SLC9A9: variants seen among roughly 807,000 people sequenced by gnomAD.
SLC9A9 encodes solute carrier family 9 member A9.
Under a neutral mutation model 77.8 loss-of-function variants are expected in SLC9A9, and 62 were observed. The observed-to-expected ratio is 0.80, with a 90% CI of 0.65 to 0.98. The LOEUF (loss-of-function observed/expected upper bound fraction) is 0.98. Ranked by LOEUF, SLC9A9 falls within the 50% of genes least tolerant of loss-of-function variation. The pLI is 0.00. For missense variants in SLC9A9, 775 were observed against 774.9 expected, an observed-to-expected ratio of 1.00 and a Z score of 0.00; for synonymous variants, 320 against 283.5, an observed-to-expected ratio of 1.13 and a Z score of -1.29.
At chr3:143,526,534 G>A (rs2036408582) in intron 9 of SLC9A9, among the ~76,000 whole-genome samples, 1 of 152,024 alleles carries the variant, frequency 6.6e-6, no homozygotes, top group Admixed American at 6.6e-5. Flanking sequence ...GAGAAGAAAG[G>A]CCCCCTCCTG....
chr3:143,726,504 A>G (rs1420858445), intron 4 of SLC9A9, among the ~76,000 whole-genome samples: 1 of 152,214 alleles, frequency 6.6e-6, no homozygotes, highest in Admixed American at 6.5e-5. Flanking sequence ...AGTAGGGAAT[A>G]CCACCACAGA....
At chr3:143,457,981 C>G (rs1403379908) in intron 12 of SLC9A9, among the ~76,000 whole-genome samples, 1 of 151,980 alleles carries the variant, frequency 6.6e-6, no homozygotes, top group African/African-American at 2.4e-5. Flanking sequence ...TCTTCTGTAC[C>G]CTTGCAGATT....
chr3:143,345,682 C>G (rs887210690), intron 14 of SLC9A9, among the ~76,000 whole-genome samples: 3 of 152,146 alleles, frequency 2.0e-5, no homozygotes, highest in African/African-American at 7.2e-5. Flanking sequence ...ATAAGGGAAC[C>G]AGTCTCTGCA....
At chr3:143,796,535 T>C (rs1188303817) in intron 3 of SLC9A9, among the ~76,000 whole-genome samples, 2 of 152,158 alleles carry the variant, frequency 1.3e-5, no homozygotes, top group African/African-American at 4.8e-5. Flanking sequence ...TTTGAATAAA[T>C]ACAAAATCTT....
chr3:143,692,972 G>T (rs998410085), intron 5 of SLC9A9, among the ~76,000 whole-genome samples: 12 of 152,120 alleles, frequency 7.9e-5, no homozygotes, highest in African/African-American at 2.7e-4. Context: ...TGACTTTAAA[G>T]ATCTCTCCCA....
chr3:143,303,903 GTTTTCTCCA>G (rs1486362061), intron 14 of SLC9A9, among the ~76,000 whole-genome samples: 1 of 152,170 alleles, frequency 6.6e-6, no homozygotes, highest in Admixed American at 6.5e-5. Context: ...TAAAACATCT[GTTTTCTCCA>G]TTTCTTAACA....
chr3:143,387,088 A>G (rs1318170561), intron 12 of SLC9A9, among the ~76,000 whole-genome samples: 1 of 152,138 alleles, frequency 6.6e-6, no homozygotes, highest in Non-Finnish European at 1.5e-5. Context: ...TGATCCATCC[A>G]CCTAGGCTTC....
At chr3:143,654,757 TC>T (rs1202609029) in intron 5 of SLC9A9, among the ~76,000 whole-genome samples, 4 of 152,152 alleles carry the variant, frequency 2.6e-5, no homozygotes, top group African/African-American at 9.7e-5. Context: ...CATCTCCACT[TC>T]CATGGAGGTT....
chr3:143,364,225 GA>G lies in SLC9A9; in HGVS notation c.1525-663del, dbSNP rs397967506. On this transcript the variant is annotated intron_variant, in intron 13 of 15. Transcript: ENST00000316549. ...TTTGTGAGAGAAGAGGATGAAATGTGAAAAAAAAAAAGGAAAGAAAGTGAAT... is the reference window on the plus strand; with the variant it reads ...TTTGTGAGAGAAGAGGATGAAATGTGAAAAAAAAAAGGAAAGAAAGTGAAT... Among the ~76,000 whole-genome samples, 1,172 of 141,250 alleles carry G rather than the reference GA, an allele frequency of 8.3e-3. 15 individuals are homozygous for G. Among genetic ancestry groups the G allele is most frequent in the African/African-American group, 0.027 (1,061 of 38,736 alleles). The allele number at this position is 141,250 out of a possible 152,430, so 92.7% of individuals were successfully genotyped here.
intron 6 of SLC9A9, among the ~76,000 whole-genome samples, chr3:143,637,556 T>C (rs1432688277): frequency 3.9e-5 from 6 of 152,250 alleles, no homozygotes; most frequent in Admixed American, 1.3e-4. Flanking sequence ...TAGCCATTTA[T>C]ATACACCTTA....
At chr3:143,663,751 A>C (rs1235930370) in intron 5 of SLC9A9, among the ~76,000 whole-genome samples, 1 of 152,194 alleles carries the variant, frequency 6.6e-6, no homozygotes, top group Non-Finnish European at 1.5e-5. Context: ...ATGAAGTGAG[A>C]AGAGAAGTTT....
intron 14 of SLC9A9, among the ~76,000 whole-genome samples, chr3:143,278,745 C>T (rs1938126519): frequency 6.6e-6 from 1 of 152,138 alleles, no homozygotes; most frequent in Non-Finnish European, 1.5e-5. Context: ...AATAAGGTTG[C>T]ATTTGAGGTA....
chr3:143,841,012 C>T lies in SLC9A9; in HGVS notation c.175+7136G>A, dbSNP rs532668067. On this transcript the variant is annotated intron_variant, in intron 1 of 15. Coordinates refer to ENST00000316549, the MANE Select transcript of SLC9A9 (RefSeq NM_173653.4). ...CTTCCTAAGGTACCATCATCTGGCA[C>T]GGAGCGAACAGTTAATTAAAAAACA... is the stretch of plus-strand genomic sequence containing the variant. 7.2e-5 allele frequency among the ~76,000 whole-genome samples: 11 copies of T among 152,158 alleles called. No homozygotes were observed. The South Asian group carries it at 8.3e-4, about 11-fold the overall frequency.
intron 4 of SLC9A9, among the ~76,000 whole-genome samples, chr3:143,698,791 T>G (rs939126758): frequency 2.6e-5 from 4 of 152,110 alleles, no homozygotes; most frequent in Non-Finnish European, 5.9e-5. Flanking sequence ...CAAAGGAAGT[T>G]GTCAGTTTGG....
At chr3:143,546,362 G>T (rs1040047150) in intron 9 of SLC9A9, among the ~76,000 whole-genome samples, 1 of 152,136 alleles carries the variant, frequency 6.6e-6, no homozygotes, top group South Asian at 2.1e-4. Context: ...GTCATTGTTT[G>T]CCCATAAATG....
At chr3:143,630,162 C>T (rs1438148024) in intron 6 of SLC9A9, among the ~76,000 whole-genome samples, 5 of 152,050 alleles carry the variant, frequency 3.3e-5, no homozygotes, top group Non-Finnish European at 5.9e-5. Flanking sequence ...ATTATCTTTG[C>T]GTTATTCATC....
At chr3:143,356,767 C>A (rs1009366643) in intron 14 of SLC9A9, among the ~76,000 whole-genome samples, 15 of 152,120 alleles carry the variant, frequency 9.9e-5, no homozygotes, top group African/African-American at 3.6e-4. Context: ...CTCCCGCTTC[C>A]ACCCCCTAAG....
chr3:143,700,693 C>G (rs73009357), intron 4 of SLC9A9, among the ~76,000 whole-genome samples: 7,105 of 152,306 alleles, frequency 0.047, 553 homozygotes, highest in African/African-American at 0.16. Flanking sequence ...ACTCTAGTAC[C>G]TGGCTCCCAC....
intron 14 of SLC9A9, among the ~76,000 whole-genome samples, chr3:143,348,308 C>G (rs1269442928): frequency 6.6e-6 from 1 of 152,194 alleles, no homozygotes; most frequent in Non-Finnish European, 1.5e-5. Flanking sequence ...AGTTAAGCAG[C>G]TATTGATGGC....
Sources: gnomAD v4.1 joint callset for allele counts (sites outside exome capture counted in the v4.1 genomes callset) on GRCh38, gnomAD v4.1.1 for gene constraint, MANE v1.5 for transcripts, NCBI Gene and HGNC (gene_info 2026-07-23, HGNC 2026-07-21) for gene names.